Variants in LRBA observed in about 807,000 individuals in gnomAD.
LRBA encodes the protein lipopolysaccharide-responsive and beige-like anchor protein.
Under a neutral mutation model 330.0 loss-of-function variants are expected in LRBA, and 176 were observed. That is an observed-to-expected ratio of 0.53 (90% CI 0.47 to 0.60). LRBA has a LOEUF of 0.60. Ranked by LOEUF, LRBA falls within the 20% of genes least tolerant of loss-of-function variation. The probability of loss-of-function intolerance (pLI) is 0.00; values close to 1 mark genes in which losing one functional copy is unlikely to be tolerated. For missense variants in LRBA, 3,259 were observed against 3,444.8 expected (o/e 0.95, Z 1.35); for synonymous variants, 1,230 against 1,193.0 (o/e 1.03, Z -0.64).
At chr4:150,769,126 G>A (rs1736193374) in intron 34 of LRBA, among the ~76,000 whole-genome samples, 1 of 151,750 alleles carries the variant, frequency 6.6e-6, no homozygotes, top group East Asian at 1.9e-4. Flanking sequence ...ATTATTTTTA[G>A]TAGAGATGGG....
chr4:150,709,791 C>A (rs912454868), intron 36 of LRBA, among the ~76,000 whole-genome samples: 9 of 151,928 alleles, frequency 5.9e-5, no homozygotes, highest in African/African-American at 2.2e-4. Context: ...ACAGAAAGAT[C>A]TTAGTTAGAT....
chr4:150,489,255 T>TATATCTACGA, intron 41 of LRBA, among the ~76,000 whole-genome samples: 1 of 103,684 alleles, frequency 9.6e-6, no homozygotes, highest in Admixed American at 1.4e-4. Flanking sequence ...TATAATATAT[T>TATATCTACGA]ATATATAAGA....
At chr4:150,725,266 C>G (rs952381048) in intron 36 of LRBA, among the ~76,000 whole-genome samples, 1 of 151,834 alleles carries the variant, frequency 6.6e-6, no homozygotes, top group Non-Finnish European at 1.5e-5. Flanking sequence ...TATAGAACAG[C>G]AAGCAGAAAG....
At chr4:150,911,143 T>C (rs572371218) in intron 9 of LRBA, among the ~76,000 whole-genome samples, 27 of 152,142 alleles carry the variant, frequency 1.8e-4, no homozygotes, top group Non-Finnish European at 3.7e-4. Context: ...CAACAGATGA[T>C]TTTACCTCTT....
chr4:150,354,387 C>T (rs1416352419), intron 47 of LRBA, among the ~76,000 whole-genome samples: 2 of 152,026 alleles, frequency 1.3e-5, no homozygotes, highest in African/African-American at 2.4e-5. Context: ...GAGTTAAATA[C>T]GGTTTGCAGC....
intron 47 of LRBA, among the ~76,000 whole-genome samples, chr4:150,379,975 C>A (rs539607503): frequency 7.1e-6 from 1 of 140,288 alleles, no homozygotes; most frequent in South Asian, 2.2e-4. Flanking sequence ...CCAGCCTGAC[C>A]AACATGGAGA....
intron 56 of LRBA, among the ~76,000 whole-genome samples, chr4:150,270,501 CAG>C (rs1201552149): frequency 2.6e-5 from 4 of 152,140 alleles, no homozygotes; most frequent in African/African-American, 7.2e-5. Context: ...TTCATAGAGA[CAG>C]AAAGTAGCAT....
chr4:150,862,376 G>T (rs760839903), intron 22 of LRBA, among the ~76,000 whole-genome samples: 17 of 152,144 alleles, frequency 1.1e-4, no homozygotes, highest in Non-Finnish European at 2.4e-4. Context: ...CATGTCCTTT[G>T]TAGGGACATG....
chr4:150,460,299 T>A (rs908832701), intron 44 of LRBA, among the ~76,000 whole-genome samples: 1 of 151,072 alleles, frequency 6.6e-6, no homozygotes, highest in African/African-American at 2.4e-5. Flanking sequence ...ATCCAAATGG[T>A]AGGAGATACA....
chr4:150,748,883 C>A (rs2126366185), intron 35 of LRBA, among the ~76,000 whole-genome samples: 1 of 152,144 alleles, frequency 6.6e-6, no homozygotes, highest in African/African-American at 2.4e-5. Context: ...CCTCTTCTGC[C>A]CTTTCGGCTT....
chr4:150,849,066 C>T, intron 25 of LRBA, 68 bp from the exon 26 acceptor site: 1 of 1,065,350 alleles, frequency 9.4e-7, no homozygotes. Context: ...AGATATAGTC[C>T]TAAAATTTAT....
chr4:150,885,396 G>A (rs987576889), intron 17 of LRBA, among the ~76,000 whole-genome samples: 5 of 152,048 alleles, frequency 3.3e-5, no homozygotes, highest in African/African-American at 4.8e-5. Context: ...TGAGATGGGC[G>A]GGTAATTTGA....
chr4:150,743,558 G>A (rs1308171652), intron 35 of LRBA, among the ~76,000 whole-genome samples: 1 of 152,162 alleles, frequency 6.6e-6, no homozygotes, highest in Admixed American at 6.5e-5. Flanking sequence ...ATCTAGAACA[G>A]GGGTCAGCAA....
chr4:150,362,145 C>A (rs1389105113), intron 47 of LRBA, among the ~76,000 whole-genome samples: 1 of 152,094 alleles, frequency 6.6e-6, no homozygotes, highest in Non-Finnish European at 1.5e-5. Context: ...AATAGTATTT[C>A]CTCTGACACT....
intron 13 of LRBA, among the ~76,000 whole-genome samples, chr4:150,902,106 GTAAT>G (rs1730795887): frequency 6.6e-6 from 1 of 152,136 alleles, no homozygotes; most frequent in Non-Finnish European, 1.5e-5. Context: ...GAAGCAATAT[GTAAT>G]TGAGTGACAT....
At chr4:150,940,788 G>A (rs1460781989) in intron 2 of LRBA, among the ~76,000 whole-genome samples, 1 of 151,788 alleles carries the variant, frequency 6.6e-6, no homozygotes, top group Non-Finnish European at 1.5e-5. Flanking sequence ...TCTATTTGTT[G>A]TTATTTTTCA....
chr4:150,331,559 C>A (rs1017797879), intron 48 of LRBA, among the ~76,000 whole-genome samples: 2 of 152,134 alleles, frequency 1.3e-5, no homozygotes, highest in Non-Finnish European at 2.9e-5. Context: ...TCAATCTAGA[C>A]AATGTCCTAG....
intron 37 of LRBA, among the ~76,000 whole-genome samples, chr4:150,641,461 A>T (rs1778672229): frequency 6.6e-6 from 1 of 152,170 alleles, no homozygotes; most frequent in Admixed American, 6.6e-5. Flanking sequence ...TCTTCTAAAT[A>T]TGTCATGATG....
intron 2 of LRBA, among the ~76,000 whole-genome samples, chr4:150,954,504 C>T (rs1737301549): frequency 6.6e-6 from 1 of 151,740 alleles, no homozygotes; most frequent in South Asian, 2.1e-4. Flanking sequence ...GCTGTGTCCA[C>T]TAAGGGTTAA....
Sources: allele counts gnomAD v4.1 joint callset (sites outside exome capture counted in the v4.1 genomes callset), GRCh38; gene constraint gnomAD v4.1.1; transcripts MANE v1.5; gene names NCBI Gene and HGNC (gene_info 2026-07-23, HGNC 2026-07-21).